The following ST3GAL2 variants were observed in gnomAD, a reference collection of about 807,000 sequenced individuals.
ST3GAL2 encodes the protein ST3 beta-galactoside alpha-2,3-sialyltransferase 2.
ST3GAL2 carries 16 observed loss-of-function variants against 37.5 expected under a neutral mutation model. The observed-to-expected ratio is 0.43, with a 90% CI of 0.29 to 0.65. The LOEUF is 0.65. ST3GAL2 is among the 30% of genes least tolerant of loss of function. The pLI is 0.17. For missense variants in ST3GAL2, 383 were observed against 487.8 expected (o/e 0.79, Z 2.02); for synonymous variants, 238 against 202.9 (o/e 1.17, Z -1.47).
intron 1 of ST3GAL2, among the ~76,000 whole-genome samples, chr16:70,432,359 T>G (rs2047796902): frequency 6.6e-6 from 1 of 152,100 alleles, no homozygotes; most frequent in Admixed American, 6.6e-5. Flanking sequence ...GCATAGCTCC[T>G]CCTGCCTCCA....
intron 6 of ST3GAL2, 49 bp from the exon 7 acceptor site, chr16:70,381,911 T>C: frequency 6.2e-7 from 1 of 1,604,292 alleles, no homozygotes; most frequent in East Asian, 2.2e-5. Flanking sequence ...ACCTGGAGGA[T>C]GGCGCGGGGC....
At chr16:70,425,398 G>A (rs916691101) in intron 1 of ST3GAL2, among the ~76,000 whole-genome samples, 4 of 152,056 alleles carry the variant, frequency 2.6e-5, no homozygotes, top group Non-Finnish European at 5.9e-5. Flanking sequence ...GGAGGCAGAG[G>A]TTGCAGTGAG....
chr16:70,389,270 C>T (rs1324862868), intron 3 of ST3GAL2, among the ~76,000 whole-genome samples: 4 of 128,562 alleles, frequency 3.1e-5, no homozygotes, highest in East Asian at 5.4e-4. Context: ...GGGCTTAACT[C>T]ATTTTTACTG....
intron 1 of ST3GAL2, among the ~76,000 whole-genome samples, chr16:70,435,031 A>G (rs1162107538): frequency 6.6e-6 from 1 of 152,142 alleles, no homozygotes; most frequent in Non-Finnish European, 1.5e-5. Context: ...CAGGCACCCC[A>G]ACCCACTTGG....
At chr16:70,423,246 C>T (rs555917331) in intron 1 of ST3GAL2, among the ~76,000 whole-genome samples, 5 of 152,288 alleles carry the variant, frequency 3.3e-5, no homozygotes, top group South Asian at 2.1e-4. Flanking sequence ...CGGTGGCTCA[C>T]GCCTGTAATC....
chr16:70,389,512 T>A (rs1016004622), intron 3 of ST3GAL2, among the ~76,000 whole-genome samples: 1 of 152,138 alleles, frequency 6.6e-6, no homozygotes, highest in Non-Finnish European at 1.5e-5. Context: ...TCGCCCAGGC[T>A]GGAGTCCAGT....
intron 1 of ST3GAL2, among the ~76,000 whole-genome samples, chr16:70,417,446 C>T (rs980492489): frequency 1.3e-5 from 2 of 152,196 alleles, no homozygotes; most frequent in African/African-American, 2.4e-5. Flanking sequence ...GAGGACGGTG[C>T]GCGTCCATCC....
chr16:70,412,319 T>G (rs980620822), intron 1 of ST3GAL2, among the ~76,000 whole-genome samples: 1 of 152,226 alleles, frequency 6.6e-6, no homozygotes, highest in Non-Finnish European at 1.5e-5. Flanking sequence ...GTCAATTCTT[T>G]GAATTCTTTC....
chr16:70,398,256 T>C lies in ST3GAL2; in HGVS notation c.275A>G (p.Asn92Ser). ...CTCTCGGGTCCAGACGGGGGAAATG[T>C]TACCGTCAAAGTGGCTGTCAAACCA... is the stretch of plus-strand genomic sequence containing the variant. ...SDWFDSHFDG[N>S]ISPVWTRENM... Residue 92 changes from asparagine to serine, a missense_variant, in exon 2 of 7, where the codon AAC becomes AGC. By Grantham distance (46) the Asn-to-Ser change is conservative. Transcript: ENST00000342907. The C allele has an allele frequency of 1.9e-6, 3 of 1,613,466 alleles. No homozygotes were observed. Among genetic ancestry groups the C allele is most frequent in the Non-Finnish European group, 2.5e-6 (3 of 1,180,044 alleles).
At chr16:70,388,570 G>A in intron 3 of ST3GAL2, 24 bp from the exon 4 acceptor site, 2 of 1,541,030 alleles carry the variant, frequency 1.3e-6, no homozygotes, top group South Asian at 1.2e-5. Context: ...AGGGTGACAT[G>A]AGAATCAACT....
Position 70,377,178 on chromosome 16 carries a change from T to TAAAAAAA in ST3GAL2, c.*4504_*4510dup, listed in dbSNP as rs34454921. On this transcript the variant is annotated 3_prime_UTR_variant, in exon 7 of 7. Coordinates refer to ENST00000342907, the MANE Select transcript of ST3GAL2 (RefSeq NM_006927.4). ...CTGGGCGACAGGAGACCCTGTCTCT[T>TAAAAAAA]AAAAAAAAAAAAAAAAAAAAAAAAA... 4.7e-5 allele frequency: 4 copies of TAAAAAAA among 85,494 alleles called. No individual in the cohort carries two copies. Among genetic ancestry groups the TAAAAAAA allele is most frequent in the African/African-American group, 1.8e-4 (3 of 16,262 alleles). The allele number at this position is 85,494 out of a possible 1,614,324, so 5.3% of individuals were successfully genotyped here. A position where few individuals can be genotyped will look rare whatever the true frequency, so the allele number is the denominator to read the frequency against.
intron 2 of ST3GAL2, among the ~76,000 whole-genome samples, chr16:70,396,410 T>A (rs2151662793): frequency 6.6e-6 from 1 of 151,682 alleles, no homozygotes; most frequent in East Asian, 1.9e-4. Context: ...GGGAGATTGA[T>A]CTGTAGAGGG....
At chr16:70,384,636 C>G (rs879385015) in intron 4 of ST3GAL2, among the ~76,000 whole-genome samples, 2 of 142,520 alleles carry the variant, frequency 1.4e-5, no homozygotes, top group Non-Finnish European at 3.0e-5. Flanking sequence ...ACCAGGGAGT[C>G]TGAGGTTGCA....
chr16:70,394,150 C>T (rs1377266272), intron 3 of ST3GAL2, among the ~76,000 whole-genome samples: 3 of 152,188 alleles, frequency 2.0e-5, no homozygotes, highest in South Asian at 2.1e-4. Flanking sequence ...CAAGACTGAA[C>T]GCCCTCCCAA....
intron 1 of ST3GAL2, among the ~76,000 whole-genome samples, chr16:70,426,762 G>A (rs2151678728): frequency 6.6e-6 from 1 of 152,238 alleles, no homozygotes. Context: ...CACCCACCTC[G>A]GCCTCCCAAA....
chr16:70,427,590 G>A (rs1334959493), intron 1 of ST3GAL2, among the ~76,000 whole-genome samples: 1 of 152,136 alleles, frequency 6.6e-6, no homozygotes, highest in Non-Finnish European at 1.5e-5. Flanking sequence ...GCCCGCCTCA[G>A]CCTCCCAAAG....
chr16:70,387,323 G>A (rs936599931), intron 4 of ST3GAL2, among the ~76,000 whole-genome samples: 1 of 152,004 alleles, frequency 6.6e-6, no homozygotes, highest in South Asian at 2.1e-4. Context: ...GGGAGCCTGA[G>A]GCAGGTGGAT....
chr16:70,429,376 G>A (rs1330840306), intron 1 of ST3GAL2, among the ~76,000 whole-genome samples: 4 of 151,964 alleles, frequency 2.6e-5, no homozygotes, highest in African/African-American at 4.8e-5. Context: ...GGCAGATCAC[G>A]AGGTCAGGAG....
chr16:70,424,540 G>A (rs1465410529), intron 1 of ST3GAL2, among the ~76,000 whole-genome samples: 6 of 150,080 alleles, frequency 4.0e-5, no homozygotes, highest in East Asian at 2.0e-4. Flanking sequence ...GGTGGAGGTC[G>A]CGGTGAGCCG....
Sources: allele counts gnomAD v4.1 joint callset (sites outside exome capture counted in the v4.1 genomes callset), GRCh38; gene constraint gnomAD v4.1.1; transcripts MANE v1.5; gene names NCBI Gene and HGNC (gene_info 2026-07-23, HGNC 2026-07-21).